Variants in ANK2 observed in about 807,000 individuals in gnomAD.
The protein encoded by ANK2 is ankyrin 2, also known as ankyrin-2.
Under a neutral mutation model 360.5 loss-of-function variants are expected in ANK2, and 83 were observed. The observed-to-expected ratio is 0.23, with a 90% CI of 0.19 to 0.28. The LOEUF (loss-of-function observed/expected upper bound fraction) is 0.28, where lower values mean the gene tolerates loss of function less well. ANK2 is among the 10% of genes least tolerant of loss of function. The probability of loss-of-function intolerance (pLI) is 1.00; values close to 1 mark genes in which losing one functional copy is unlikely to be tolerated. For synonymous variants in ANK2, 1,740 were observed against 1,759.5 expected (o/e 0.99, Z 0.28); for missense variants, 4,201 against 4,795.7 (o/e 0.88, Z 3.66).
At chr4:112,774,190 G>T in the ANK2 span, among the ~76,000 whole-genome samples, 1 of 151,818 alleles carries the variant, frequency 6.6e-6, no homozygotes, top group East Asian at 1.9e-4. Flanking sequence ...CCCTGGTCAC[G>T]CCCTTAAGGA....
chr4:113,206,023 G>A (rs2098942434), intron 4 of ANK2, among the ~76,000 whole-genome samples: 1 of 151,934 alleles, frequency 6.6e-6, no homozygotes, highest in African/African-American at 2.4e-5. Flanking sequence ...TTTTAAACAG[G>A]TTTTATTTTC....
At chr4:112,916,727 A>C (rs2089956216) in intron 2 of ANK2, among the ~76,000 whole-genome samples, 1 of 152,234 alleles carries the variant, frequency 6.6e-6, no homozygotes, top group South Asian at 2.1e-4. Flanking sequence ...CAAAACTCTG[A>C]TACACATTTG....
Position 113,373,362 on chromosome 4 carries a change from A to G in ANK2, c.11772A>G (p.Pro3924=). The G allele has an allele frequency of 6.2e-7, 1 of 1,614,200 alleles. No individual in the cohort carries two copies. The highest frequency in any genetic ancestry group is 8.5e-7 in the Non-Finnish European group (1 of 1,180,008). The change falls in exon 45 of 46, where the codon CCA becomes CCG. Residue 3924 remains proline, a synonymous_variant. Coordinates refer to ENST00000357077, the MANE Select transcript of ANK2 (RefSeq NM_001148.6). ...EKEEIMVQGM[P]QEPVNIEEGD... The stretch of plus-strand genomic sequence containing the variant: ...AAGAGATTATGGTGCAGGGAATGCC[A>G]CAGGAACCTGTCAACATCGAGGAAG...
intron 1 of ANK2, among the ~76,000 whole-genome samples, chr4:112,839,222 A>G (rs184008039): frequency 6.6e-5 from 10 of 152,304 alleles, no homozygotes; most frequent in African/African-American, 2.4e-4. Context: ...CTGTACTTTC[A>G]TTCACAGGTC....
intron 3 of ANK2, among the ~76,000 whole-genome samples, chr4:113,197,934 T>C (rs752527748): frequency 2.6e-5 from 4 of 152,204 alleles, no homozygotes; most frequent in Non-Finnish European, 5.9e-5. Flanking sequence ...CTTTGGAGGC[T>C]GTAGCAAGAG....
rs139428595 is a variant in ANK2, at chr4:112,985,161, T to A, written c.21+80647T>A. 2.6e-5 allele frequency among the ~76,000 whole-genome samples: 4 copies of A among 152,312 alleles called. No individual in the cohort carries two copies. In the East Asian group the frequency reaches 7.7e-4, roughly 29 times the overall value. On this transcript the variant is annotated intron_variant, in intron 2 of 30. Coordinates refer to the ANK2 transcript ENST00000503271. Reference sequence around the variant, plus strand: ...TATTTCTAACCTGTCTACTAAATTATCTAAGGGCTTCCCTCAAAATATCCA... The same window carrying A: ...TATTTCTAACCTGTCTACTAAATTAACTAAGGGCTTCCCTCAAAATATCCA...
chr4:113,015,241 G>A (rs1377504185), intron 2 of ANK2, among the ~76,000 whole-genome samples: 1 of 152,120 alleles, frequency 6.6e-6, no homozygotes, highest in Non-Finnish European at 1.5e-5. Flanking sequence ...CTAACTTTGG[G>A]TAAGTCCCTA....
At chr4:113,341,554 C>G in intron 32 of ANK2, 134 bp from the exon 33 acceptor site, 1 of 864,594 alleles carries the variant, frequency 1.2e-6, no homozygotes. Flanking sequence ...GGCCTTCTCT[C>G]ATTATCTCCC....
At chr4:112,719,546 G>A in the ANK2 span, among the ~76,000 whole-genome samples, 1 of 152,088 alleles carries the variant, frequency 6.6e-6, no homozygotes, top group Non-Finnish European at 1.5e-5. Context: ...GGCTAACACA[G>A]TGAAACCCCG....
At chr4:112,771,457 A>G in the ANK2 span, among the ~76,000 whole-genome samples, 72 of 152,258 alleles carry the variant, frequency 4.7e-4, 1 homozygote, top group Non-Finnish European at 8.2e-4. Flanking sequence ...GGAAGCGTTC[A>G]TAAGGAAATG....
At chr4:113,022,355 A>G (rs1050603234) in intron 2 of ANK2, among the ~76,000 whole-genome samples, 2 of 152,122 alleles carry the variant, frequency 1.3e-5, no homozygotes, top group African/African-American at 2.4e-5. Context: ...TATCTACATC[A>G]TATTTGGTAC....
chr4:113,231,569 T>C (rs1045382867), intron 4 of ANK2, among the ~76,000 whole-genome samples: 2 of 152,050 alleles, frequency 1.3e-5, no homozygotes, highest in African/African-American at 4.8e-5. Context: ...TATGAACTTA[T>C]ACAGATACTG....
chr4:112,767,133 C>T, the ANK2 span, among the ~76,000 whole-genome samples: 2 of 152,124 alleles, frequency 1.3e-5, no homozygotes, highest in Non-Finnish European at 2.9e-5. Flanking sequence ...AAAACTGAAT[C>T]CTTTAATTAA....
At position 113,356,645 on chromosome 4, in the gene ANK2, G is replaced by A. The variant is rs752323136; in HGVS notation, c.8027G>A (p.Gly2676Asp). ...CCTGAGTTGGCACAGCTTAAAAAAGGTGCTGACTCAGGCCTTTTACCAGAA... is the reference window on the plus strand; with the variant it reads ...CCTGAGTTGGCACAGCTTAAAAAAGATGCTGACTCAGGCCTTTTACCAGAA... The part of the protein sequence containing the change: ...SEPELAQLKK[G>D]ADSGLLPEPV... Residue 2676 changes from glycine to aspartate, a missense_variant, in exon 38 of 46, where the codon GGT becomes GAT. Physicochemically the swap from Gly to Asp is moderately conservative, Grantham distance 94. Coordinates refer to ENST00000357077, the MANE Select transcript of ANK2 (RefSeq NM_001148.6). 17 of 1,614,076 alleles carry A rather than the reference G, an allele frequency of 1.1e-5. No homozygotes were observed. Among genetic ancestry groups the A allele is most frequent in the Admixed American group, 3.3e-5 (2 of 60,014 alleles).
chr4:113,007,441 G>A (rs2053278807), intron 2 of ANK2, among the ~76,000 whole-genome samples: 1 of 152,138 alleles, frequency 6.6e-6, no homozygotes, highest in Admixed American at 6.5e-5. Context: ...TTCCATTACA[G>A]GATACCCAAA....
chr4:112,798,259 A>G, the ANK2 span: 2 of 152,184 alleles, frequency 1.3e-5, no homozygotes, highest in African/African-American at 4.8e-5. Context: ...TGAACCTGAC[A>G]TGTGAATGAC....
chr4:113,070,974 A>T (rs1292022642), intron 1 of ANK2, among the ~76,000 whole-genome samples: 1 of 151,988 alleles, frequency 6.6e-6, no homozygotes, highest in Non-Finnish European at 1.5e-5. Context: ...ATGGTGATGG[A>T]TAAAGGAGAA....
intron 24 of ANK2, among the ~76,000 whole-genome samples, chr4:113,315,896 C>CAAAAAA (rs70961811): frequency 2.4e-4 from 12 of 49,322 alleles, no homozygotes; most frequent in Non-Finnish European, 2.7e-4. Flanking sequence ...GACTCCGTCT[C>CAAAAAA]AAAAAAAAAA....
chr4:113,091,283 A>G (rs2087937615), intron 1 of ANK2, among the ~76,000 whole-genome samples: 1 of 152,246 alleles, frequency 6.6e-6, no homozygotes, highest in Non-Finnish European at 1.5e-5. Flanking sequence ...TGAAAGCTAC[A>G]AAGAAAGGAG....
Sources: allele counts gnomAD v4.1 joint callset (sites outside exome capture counted in the v4.1 genomes callset), GRCh38; gene constraint gnomAD v4.1.1; transcripts MANE v1.5; gene names NCBI Gene and HGNC (gene_info 2026-07-23, HGNC 2026-07-21).